Variants in DNMT3A observed in about 807,000 individuals in gnomAD.
DNMT3A encodes DNA methyltransferase 3 alpha.
Under a neutral mutation model 117.6 loss-of-function variants are expected in DNMT3A, and 267 were observed. That is an observed-to-expected ratio of 2.27 (90% CI 2.05 to 2.51). The LOEUF (loss-of-function observed/expected upper bound fraction) is 2.51, where lower values mean the gene tolerates loss of function less well. DNMT3A is among the 30% of genes most tolerant of loss of function. DNMT3A has a pLI of 0.00. For synonymous variants in DNMT3A, 432 were observed against 474.8 expected (o/e 0.91, Z 1.17); for missense variants, 1,029 against 1,260.2 (o/e 0.82, Z 2.78).
In DNMT3A at chr2:25,252,252, A is replaced by G; in HGVS notation, c.640-4000T>C. Reference sequence around the variant, plus strand: ...GCTCAGGTGTGAGCCGCGGCCCTGAAGCTCTGGAAGTAGCTGCCCGTCTTG... The same window carrying G: ...GCTCAGGTGTGAGCCGCGGCCCTGAGGCTCTGGAAGTAGCTGCCCGTCTTG... On this transcript the variant is annotated intron_variant, in intron 6 of 22. Coordinates refer to ENST00000321117, the MANE Select transcript of DNMT3A (RefSeq NM_022552.5). This position sits in a 1 kb window ranked among gnomAD's most constrained non-coding sequence, Gnocchi z 5.5. 7.2e-7 allele frequency: 1 copy of G among 1,390,772 alleles called. No homozygotes were observed. 86.2% of individuals were successfully genotyped at this position (1,390,772 alleles called of 1,614,324 possible).
rs190881223 is a variant in DNMT3A, at chr2:25,236,328, G to A, written c.2479-503C>T. On this transcript the variant is annotated intron_variant, in intron 21 of 22. Transcript: ENST00000321117. The surrounding 1 kb of genome is among the most constrained non-coding windows in gnomAD (Gnocchi z 4.5). ...GATCCGCCTGCCTCGGCCTCCCAAA[G>A]TATTGGGATTATAGGCGTGAGCCAC... Among the ~76,000 whole-genome samples, 627 of 152,334 alleles carry A rather than the reference G, an allele frequency of 4.1e-3. 8 individuals are homozygous for A. The highest frequency in any genetic ancestry group is 0.015 in the African/African-American group (608 of 41,560).
At chr2:25,329,589 G>A (rs565570747) in intron 1 of DNMT3A, among the ~76,000 whole-genome samples, 3 of 151,528 alleles carry the variant, frequency 2.0e-5, no homozygotes, top group African/African-American at 7.3e-5. Context: ...CCCAGGCCCC[G>A]TGCCACTAGA....
At chr2:25,308,654 A>G (rs1460665803) in intron 2 of DNMT3A, among the ~76,000 whole-genome samples, 1 of 152,076 alleles carries the variant, frequency 6.6e-6, no homozygotes, top group Admixed American at 6.6e-5. Flanking sequence ...CTATTTAAAC[A>G]TACTAAGAAG....
intron 6 of DNMT3A, among the ~76,000 whole-genome samples, chr2:25,264,132 GT>G (rs1175186554): frequency 3.8e-3 from 279 of 73,762 alleles, no homozygotes; most frequent in African/African-American, 0.011. Flanking sequence ...CAACCCTTTG[GT>G]TTTTTTTTTT....
Position 25,233,758 on chromosome 2 carries a change from A to G in DNMT3A, c.*521T>C, listed in dbSNP as rs1264319727. 1 of 209,854 alleles carries G rather than the reference A, an allele frequency of 4.8e-6. No homozygotes were observed. 13.0% of individuals were successfully genotyped at this position (209,854 alleles called of 1,614,324 possible). A position where few individuals can be genotyped will look rare whatever the true frequency, so the allele number is the denominator to read the frequency against. On this transcript the variant is annotated 3_prime_UTR_variant, in exon 23 of 23. Transcript: ENST00000321117. ...AGGCTAGAGACAACAAAAAAAAGAT[A>G]TATAGTAAAAAAAAAAACCCAAAAA...
rs1249559065 is a variant in DNMT3A, at chr2:25,304,082, G to A, written c.73-3839C>T. ...CAGCTGAAGAACAGTAACACAGTTCGCGGGAACAGATTTGAGCCCAGGTTG... is the reference window on the plus strand; with the variant it reads ...CAGCTGAAGAACAGTAACACAGTTCACGGGAACAGATTTGAGCCCAGGTTG... On this transcript the variant is annotated intron_variant, in intron 2 of 22. Coordinates refer to ENST00000321117, the MANE Select transcript of DNMT3A (RefSeq NM_022552.5). The surrounding 1 kb of genome is among the most constrained non-coding windows in gnomAD (Gnocchi z 4.3). 3.9e-5 allele frequency among the ~76,000 whole-genome samples: 6 copies of A among 152,142 alleles called. No individual in the cohort carries two copies. The highest frequency in any genetic ancestry group is 1.3e-4 in the Admixed American group (2 of 15,284).
At chr2:25,270,671 G>C (rs561527388) in intron 6 of DNMT3A, among the ~76,000 whole-genome samples, 17 of 152,234 alleles carry the variant, frequency 1.1e-4, no homozygotes, top group African/African-American at 3.6e-4. Flanking sequence ...GGCAGAGGGT[G>C]GGGGGTGGAG....
At position 25,234,307 on chromosome 2, in the gene DNMT3A, G is replaced by T. The variant is rs149095705; in HGVS notation, c.2711C>A (p.Pro904Gln). 3.7e-6 allele frequency: 6 copies of T among 1,613,768 alleles called. No individual in the cohort carries two copies. The highest frequency in any genetic ancestry group is 5.1e-6 in the Non-Finnish European group (6 of 1,179,822). ...SVPVIRHLFA[P>Q]LKEYFACV ...CACACACGCAAAATACTCCTTCAGC[G>T]GAGCGAAGAGGTGGCGGATGACTGG... The change falls in exon 23 of 23, where the codon CCG (proline) becomes CAG (glutamine). Residue 904 changes from proline (P) to glutamine (Q), a missense_variant. By Grantham distance (76) the Pro-to-Gln change is moderately conservative. Transcript: ENST00000321117. This position sits in a 1 kb window ranked among gnomAD's most constrained non-coding sequence, Gnocchi z 4.5.
chr2:25,329,674 CACA>C (rs2034936155), intron 1 of DNMT3A, among the ~76,000 whole-genome samples: 5 of 22,710 alleles, frequency 2.2e-4, no homozygotes, highest in African/African-American at 3.1e-4. Flanking sequence ...ATGCAGACCC[CACA>C]CACACACACA....
At chr2:25,307,091 CCTAA>C (rs1313287555) in intron 2 of DNMT3A, among the ~76,000 whole-genome samples, 1 of 152,220 alleles carries the variant, frequency 6.6e-6, no homozygotes, top group Non-Finnish European at 1.5e-5. Flanking sequence ...CTGGGCGCCC[CCTAA>C]CTAATCATGA....
chr2:25,323,047 G>A (rs748240531), intron 1 of DNMT3A, among the ~76,000 whole-genome samples: 1 of 151,902 alleles, frequency 6.6e-6, no homozygotes, highest in South Asian at 2.1e-4. Context: ...GGTGGGAAAC[G>A]CTTGTCAAAA....
At chr2:25,246,355 A>G (rs1674768818) in intron 10 of DNMT3A, 46 bp from the exon 11 acceptor site, 1 of 1,552,428 alleles carries the variant, frequency 6.4e-7, no homozygotes, top group Admixed American at 1.9e-5. Flanking sequence ...GGCTGACAGG[A>G]AACTCCAGCC....
intron 1 of DNMT3A, chr2:25,314,560 C>G: frequency 1.0e-6 from 1 of 982,564 alleles, no homozygotes; most frequent in Non-Finnish European, 1.2e-6. Flanking sequence ...GCTACGTTTT[C>G]CTTCTAATCT....
At chr2:25,266,617 A>T (rs1413036211) in intron 6 of DNMT3A, among the ~76,000 whole-genome samples, 1 of 152,226 alleles carries the variant, frequency 6.6e-6, no homozygotes, top group Non-Finnish European at 1.5e-5. Context: ...CAGTCTGTTG[A>T]GACTGCAGGG....
In DNMT3A at chr2:25,300,234, C is replaced by T. The variant is rs1440279401; in HGVS notation, c.82G>A (p.Glu28Lys). 1 of 1,606,928 alleles carries T rather than the reference C, an allele frequency of 6.2e-7. No homozygotes were observed. Among genetic ancestry groups the T allele is most frequent in the Non-Finnish European group, 8.5e-7 (1 of 1,179,906 alleles). ...TCCTTGCCACGCGGCTCCTCCTGCT[C>T]CTCTCCGTCCTGCAGGCACAGACAC... Reference protein sequence around the residue: ...EREEDRKDGEEQEEPRGKEER... With the variant: ...EREEDRKDGEKQEEPRGKEER... The change falls in exon 3 of 23, where the codon GAG becomes AAG. Residue 28 changes from glutamate (E) to lysine (K), a missense_variant. Transcript: ENST00000321117.
intron 6 of DNMT3A, among the ~76,000 whole-genome samples, chr2:25,259,947 T>TC (rs1434514436): frequency 4.6e-5 from 7 of 152,136 alleles, no homozygotes; most frequent in Admixed American, 3.3e-4. Flanking sequence ...TTCCGGTCTT[T>TC]CCCCCCCAAC....
chr2:25,241,221 A>C (rs1156987823), intron 17 of DNMT3A, among the ~76,000 whole-genome samples: 1 of 152,174 alleles, frequency 6.6e-6, no homozygotes, highest in East Asian at 1.9e-4. Context: ...TCTACTAGAA[A>C]CTGTCCAGAA....
intron 4 of DNMT3A, among the ~76,000 whole-genome samples, chr2:25,278,736 G>A (rs2031658310): frequency 6.6e-6 from 1 of 152,072 alleles, no homozygotes. Flanking sequence ...TGAGGCAGGA[G>A]AATCGCTTCA....
At chr2:25,267,460 A>C (rs1321724525) in intron 6 of DNMT3A, among the ~76,000 whole-genome samples, 1 of 152,176 alleles carries the variant, frequency 6.6e-6, no homozygotes, top group Non-Finnish European at 1.5e-5. Context: ...CTGTGGTCCC[A>C]GCTACTCAGG....
Sources: gnomAD v4.1 joint callset for allele counts (sites outside exome capture counted in the v4.1 genomes callset) on GRCh38, gnomAD v4.1.1 for gene constraint, Gnocchi (gnomAD v3.1) non-coding constraint, MANE v1.5 for transcripts, NCBI Gene and HGNC (gene_info 2026-07-23, HGNC 2026-07-21) for gene names.